The following PCSK5 variants were observed in gnomAD, a reference collection of about 807,000 sequenced individuals.
PCSK5 encodes the protein prohormone convertase 5.
A neutral mutation model predicts 233.2 loss-of-function variants in PCSK5; 129 were observed. The observed-to-expected ratio is 0.55, with a 90% CI of 0.48 to 0.64. PCSK5 has a LOEUF of 0.64. Among genes scored for constraint, PCSK5 ranks in the 30% least tolerant of loss-of-function variants. The pLI is 0.00. For missense variants in PCSK5, 2,076 were observed against 2,430.1 expected, an observed-to-expected ratio of 0.85 and a Z score of 3.06; for synonymous variants, 825 against 879.2, an observed-to-expected ratio of 0.94 and a Z score of 1.09.
At chr9:76,261,176 G>A (rs553630878) in intron 24 of PCSK5, among the ~76,000 whole-genome samples, 2 of 152,312 alleles carry the variant, frequency 1.3e-5, no homozygotes, top group Admixed American at 1.3e-4. Context: ...GCTTCCTGAG[G>A]TGATGTCTTA....
rs138153657 is a variant in PCSK5 at position 75,894,425 on chromosome 9, G to A, written c.192+3052G>A. The stretch of plus-strand genomic sequence containing the variant: ...ATGTGCAGAGTAACACAAGAAGAAA[G>A]CAAACAAACAAGCAAAAAGGACGTG... On this transcript the variant is annotated intron_variant, in intron 1 of 37. Coordinates refer to ENST00000674117, the MANE Select transcript of PCSK5 (RefSeq NM_001372043.1). Among the ~76,000 whole-genome samples the A allele has an allele frequency of 9.9e-5, 15 of 152,212 alleles. No homozygotes were observed. In the East Asian group the frequency reaches 2.9e-3, roughly 29 times the overall value.
At position 76,096,023 on chromosome 9, in the gene PCSK5, A is replaced by G. The variant is rs1831492393; in HGVS notation, c.1028A>G (p.Lys343Arg). The G allele has an allele frequency of 1.2e-6, 2 of 1,614,212 alleles. No individual in the cohort carries two copies. The highest frequency in any genetic ancestry group is 1.7e-6 in the Non-Finnish European group (2 of 1,180,038). ...ATCAGCAGCACTGCAGAAAGCGGAA[A>G]GAAACCTTGGTACCTGGAAGAGTGT... Reference protein sequence around the residue: ...ISISSTAESGKKPWYLEECSS... With the variant: ...ISISSTAESGRKPWYLEECSS... Residue 343 changes from lysine (K) to arginine (R), a missense_variant, in exon 8 of 38, where the codon AAG becomes AGG. Physicochemically the swap from Lys to Arg is conservative, Grantham distance 26. Around this residue, in one of 6 missense-constraint regions of PCSK5, gnomAD observed 178 missense variants for 393.6 expected, o/e 0.45. Transcript: ENST00000674117.
chr9:75,970,767 G>T (rs1054208895), intron 2 of PCSK5, among the ~76,000 whole-genome samples: 1 of 151,860 alleles, frequency 6.6e-6, no homozygotes, highest in South Asian at 2.1e-4. Flanking sequence ...GACTACCGGC[G>T]CACACTGCCA....
intron 24 of PCSK5, among the ~76,000 whole-genome samples, chr9:76,246,911 C>T (rs898993516): frequency 6.6e-6 from 1 of 152,268 alleles, no homozygotes; most frequent in Non-Finnish European, 1.5e-5. Flanking sequence ...CGGCAGGCCG[C>T]TTCCAAAATG....
At chr9:76,041,998 A>G (rs899740090) in intron 5 of PCSK5, among the ~76,000 whole-genome samples, 1 of 152,244 alleles carries the variant, frequency 6.6e-6, no homozygotes, top group African/African-American at 2.4e-5. Context: ...TGAATAGTAG[A>G]TACTCAATAA....
chr9:75,902,307 G>C (rs1826079675), intron 1 of PCSK5, among the ~76,000 whole-genome samples: 1 of 151,082 alleles, frequency 6.6e-6, no homozygotes, highest in African/African-American at 2.4e-5. Flanking sequence ...GAAGACTCTG[G>C]GAAACTAGGA....
intron 2 of PCSK5, among the ~76,000 whole-genome samples, chr9:75,967,112 A>G (rs915139467): frequency 6.6e-6 from 1 of 151,982 alleles, no homozygotes; most frequent in Admixed American, 6.6e-5. Flanking sequence ...TTCTTTAATA[A>G]TATCAACTTC....
At chr9:76,357,665 T>C in intron 37 of PCSK5, among the ~76,000 whole-genome samples, 1 of 152,264 alleles carries the variant, frequency 6.6e-6, no homozygotes, top group Non-Finnish European at 1.5e-5. Context: ...TTTGTCCTAA[T>C]GTCTTTAGAC....
chr9:76,285,056 T>G (rs1828020867), intron 24 of PCSK5, among the ~76,000 whole-genome samples: 1 of 152,208 alleles, frequency 6.6e-6, no homozygotes, highest in Non-Finnish European at 1.5e-5. Context: ...CAAAACAGTA[T>G]GGAGCTTAGA....
rs112320525 is a variant in PCSK5 at position 75,974,547 on chromosome 9, A to G, written c.298-11585A>G. On this transcript the variant is annotated intron_variant, in intron 2 of 37. Transcript: ENST00000674117. ...ACCCTGACCAAAGTAGCTGTTTGCT[A>G]AATATTTCAGAGGGTGATGATGGTG... 8.1e-3 allele frequency among the ~76,000 whole-genome samples: 1,237 copies of G among 152,290 alleles called. 16 individuals carry two copies. Among genetic ancestry groups the G allele is most frequent in the African/African-American group, 0.028 (1,156 of 41,554 alleles).
At chr9:76,107,194 A>C in intron 8 of PCSK5, 57 bp from the exon 9 acceptor site, 1 of 1,007,538 alleles carries the variant, frequency 9.9e-7, no homozygotes, top group Non-Finnish European at 1.5e-6. Flanking sequence ...ATTTCTTTCT[A>C]CTTGCAGGTG....
At chr9:76,076,391 G>T (rs939043280) in intron 7 of PCSK5, among the ~76,000 whole-genome samples, 32 of 152,150 alleles carry the variant, frequency 2.1e-4, no homozygotes, top group African/African-American at 7.7e-4. Context: ...AATTTTAAAA[G>T]ATCACTGCTG....
intron 30 of PCSK5, among the ~76,000 whole-genome samples, chr9:76,319,132 T>A (rs1351342037): frequency 6.6e-6 from 1 of 152,086 alleles, no homozygotes; most frequent in Admixed American, 6.6e-5. Context: ...AGTTTTATAC[T>A]TTTTAGGGAG....
intron 37 of PCSK5, among the ~76,000 whole-genome samples, chr9:76,355,892 A>T (rs1461426665): frequency 6.6e-5 from 10 of 151,904 alleles, no homozygotes; most frequent in Admixed American, 4.6e-4. Context: ...TTAGTACAGA[A>T]GGGGTTTCAC....
At chr9:75,892,465 C>G (rs1027129829) in intron 1 of PCSK5, among the ~76,000 whole-genome samples, 20 of 152,168 alleles carry the variant, frequency 1.3e-4, no homozygotes, top group African/African-American at 4.8e-4. Context: ...TGGGCTCAGG[C>G]GAGAATCCGC....
intron 34 of PCSK5, among the ~76,000 whole-genome samples, chr9:76,333,363 G>T (rs1041903678): frequency 3.9e-5 from 6 of 152,166 alleles, no homozygotes; most frequent in African/African-American, 9.7e-5. Flanking sequence ...GGAGAGCAGT[G>T]AGTGTGGAAC....
chr9:75,970,814 A>G (rs1018016314), intron 2 of PCSK5, among the ~76,000 whole-genome samples: 1 of 151,802 alleles, frequency 6.6e-6, no homozygotes, highest in African/African-American at 2.4e-5. Context: ...GTAGAGAGGA[A>G]GTTTCACCGT....
intron 9 of PCSK5, among the ~76,000 whole-genome samples, chr9:76,122,986 C>T (rs867269271): frequency 1.3e-5 from 2 of 151,612 alleles, no homozygotes; most frequent in East Asian, 1.9e-4. Context: ...TACAGGCACC[C>T]GCCACTATGC....
intron 24 of PCSK5, among the ~76,000 whole-genome samples, chr9:76,263,268 G>A (rs1193614333): frequency 1.3e-5 from 2 of 152,116 alleles, no homozygotes; most frequent in African/African-American, 4.8e-5. Flanking sequence ...CTCAGCCATC[G>A]CATTACTGGG....
Sources: gnomAD v4.1 joint callset for allele counts (sites outside exome capture counted in the v4.1 genomes callset) on GRCh38, gnomAD v4.1.1 for gene constraint, gnomAD v4.1.1 regional missense constraint, MANE v1.5 for transcripts, NCBI Gene and HGNC (gene_info 2026-07-23, HGNC 2026-07-21) for gene names.